NUTF2: variants seen among roughly 807,000 people sequenced by gnomAD.
NUTF2 encodes nuclear transport factor 2, also known as placental protein 15.
NUTF2 carries 3 observed loss-of-function variants against 18.5 expected under a neutral mutation model. The ratio of observed to expected loss-of-function variants is 0.16; its 90% CI spans 0.07 to 0.42. The LOEUF (loss-of-function observed/expected upper bound fraction) is 0.42. Among genes scored for constraint, NUTF2 ranks in the 10% least tolerant of loss-of-function variants. The pLI, the probability that NUTF2 is intolerant of heterozygous loss-of-function variation, is 0.99. For missense variants in NUTF2, 44 were observed against 160.7 expected (o/e 0.27, Z 3.93); for synonymous variants, 51 against 57.9 (o/e 0.88, Z 0.54).
At chr16:67,867,317 A>ATTTATATTT in intron 2 of NUTF2, among the ~76,000 whole-genome samples, 1 of 152,346 alleles carries the variant, frequency 6.6e-6, no homozygotes, top group African/African-American at 2.4e-5. Context: ...AGAGTTAGCA[A>ATTTATATTT]GGTCCTAAAA....
intron 1 of NUTF2, among the ~76,000 whole-genome samples, chr16:67,857,544 T>A (rs949989054): frequency 2.0e-5 from 3 of 152,184 alleles, no homozygotes; most frequent in African/African-American, 7.2e-5. Context: ...CCTACCTTCT[T>A]CCTAGCTGTT....
intron 1 of NUTF2, among the ~76,000 whole-genome samples, chr16:67,853,639 G>A (rs758451359): frequency 2.0e-5 from 3 of 152,102 alleles, no homozygotes; most frequent in South Asian, 4.1e-4. Context: ...CCAGGCATGA[G>A]CCATTGTGCC....
At chr16:67,851,879 G>A (rs1021419423) in intron 1 of NUTF2, among the ~76,000 whole-genome samples, 1 of 152,026 alleles carries the variant, frequency 6.6e-6, no homozygotes, top group Non-Finnish European at 1.5e-5. Flanking sequence ...AGCTGAGCGT[G>A]GTGGTGCATG....
chr16:67,854,228 C>T (rs1344165337), intron 1 of NUTF2, among the ~76,000 whole-genome samples: 6 of 152,132 alleles, frequency 3.9e-5, no homozygotes, highest in Admixed American at 2.0e-4. Context: ...GGATTACAGG[C>T]GTGAGCCACT....
chr16:67,869,624 A>G (rs576868942), intron 4 of NUTF2, among the ~76,000 whole-genome samples: 3 of 151,854 alleles, frequency 2.0e-5, no homozygotes, highest in Non-Finnish European at 2.9e-5. Context: ...TGTCTCTACT[A>G]AAAATACAAA....
At chr16:67,850,208 C>T (rs57721459) in intron 1 of NUTF2, among the ~76,000 whole-genome samples, 20,719 of 144,118 alleles carry the variant, frequency 0.14, 3,011 homozygotes, top group African/African-American at 0.38. Flanking sequence ...CCTGTAACTT[C>T]TTTTTTTTTT....
At chr16:67,867,684 ATTTC>A (rs2057982670) in intron 2 of NUTF2, among the ~76,000 whole-genome samples, 1 of 151,976 alleles carries the variant, frequency 6.6e-6, no homozygotes, top group Non-Finnish European at 1.5e-5. Context: ...TTTCCAAGTT[ATTTC>A]TGATGACTTT....
chr16:67,869,321 G>A (rs1427265291), intron 4 of NUTF2, among the ~76,000 whole-genome samples: 2 of 150,980 alleles, frequency 1.3e-5, no homozygotes, highest in Admixed American at 6.6e-5. Flanking sequence ...CTGACCTCAG[G>A]TGATCCACCT....
intron 1 of NUTF2, among the ~76,000 whole-genome samples, chr16:67,861,670 G>A (rs2057936145): frequency 6.6e-6 from 1 of 152,218 alleles, no homozygotes; most frequent in Admixed American, 6.5e-5. Flanking sequence ...AGCAGGAGAT[G>A]GTGTGGTCAG....
In NUTF2 at chr16:67,853,443, C is replaced by T. The variant is rs531799901; in HGVS notation, c.-30+6458C>T. On this transcript the variant is annotated intron_variant, in intron 1 of 4. Transcript: ENST00000219169. ...CACGATCTCGGCTCACAGCATCCTC[C>T]ACCTTCTGGGTTCAAGAGATTCTCC... is the stretch of plus-strand genomic sequence containing the variant. Among the ~76,000 whole-genome samples the T allele has an allele frequency of 7.2e-5, 11 of 152,226 alleles. No individual in the cohort carries two copies. The South Asian group carries it at 1.9e-3, about 26-fold the overall frequency.
intron 1 of NUTF2, among the ~76,000 whole-genome samples, chr16:67,860,163 T>TA (rs2057925945): frequency 6.6e-6 from 1 of 152,072 alleles, no homozygotes; most frequent in South Asian, 2.1e-4. Context: ...GTATTTTTAG[T>TA]AGAGACGGGG....
rs906836483 is a variant in NUTF2 at position 67,861,242 on chromosome 16, C to G, written c.-29-3860C>G. Among the ~76,000 whole-genome samples, 3 of 152,222 alleles carry G rather than the reference C, an allele frequency of 2.0e-5. No individual in the cohort carries two copies. The South Asian group carries it at 6.2e-4, about 31-fold the overall frequency. On this transcript the variant is annotated intron_variant, in intron 1 of 4. Coordinates refer to ENST00000219169, the MANE Select transcript of NUTF2 (RefSeq NM_005796.3). ...CATCTCTAACAAGGGGGTTGACTCACAGGGTGTGGTTACAAACAAGTGCAC... is the reference window on the plus strand; with the variant it reads ...CATCTCTAACAAGGGGGTTGACTCAGAGGGTGTGGTTACAAACAAGTGCAC...
chr16:67,863,288 G>T (rs1320363802), intron 1 of NUTF2, among the ~76,000 whole-genome samples: 1 of 152,164 alleles, frequency 6.6e-6, no homozygotes, highest in Non-Finnish European at 1.5e-5. Flanking sequence ...TTTCTCCCCT[G>T]CTTGCTTTAG....
intron 2 of NUTF2, among the ~76,000 whole-genome samples, chr16:67,865,871 C>G (rs924054992): frequency 6.6e-6 from 1 of 151,844 alleles, no homozygotes; most frequent in Non-Finnish European, 1.5e-5. Flanking sequence ...GGCGCCTGCC[C>G]CCATGGCCAG....
rs1228753406 is a variant in NUTF2 at position 67,870,957 on chromosome 16, C to G, written c.*44C>G. On this transcript the variant is annotated 3_prime_UTR_variant, in exon 5 of 5. Coordinates refer to ENST00000219169, the MANE Select transcript of NUTF2 (RefSeq NM_005796.3). ...CTCACGCTGTTTCCTCCTCCCTCCTCTTCCCAATACTATTCCCACTCCTCC... is the reference window on the plus strand; with the variant it reads ...CTCACGCTGTTTCCTCCTCCCTCCTGTTCCCAATACTATTCCCACTCCTCC... 2 of 1,339,622 alleles carry G rather than the reference C, an allele frequency of 1.5e-6. No individual in the cohort carries two copies. The highest frequency in any genetic ancestry group is 2.1e-6 in the Non-Finnish European group (2 of 930,904). The allele number at this position is 1,339,622 out of a possible 1,614,324, so 83.0% of individuals were successfully genotyped here. A position where few individuals can be genotyped will look rare whatever the true frequency, so the allele number is the denominator to read the frequency against.
chr16:67,848,125 G>A (rs533635812), intron 1 of NUTF2, among the ~76,000 whole-genome samples: 1 of 152,322 alleles, frequency 6.6e-6, no homozygotes, highest in East Asian at 1.9e-4. Flanking sequence ...TCTGGGGGAA[G>A]AGTTATCTTT....
chr16:67,864,290 C>T (rs1794325491), intron 1 of NUTF2, among the ~76,000 whole-genome samples: 1 of 152,194 alleles, frequency 6.6e-6, no homozygotes, highest in Non-Finnish European at 1.5e-5. Flanking sequence ...GCGGGTGGAT[C>T]ACTTGCAGTC....
In NUTF2 at chr16:67,872,107, G is replaced by A. The variant is rs546566307; in HGVS notation, c.*1194G>A. 3.3e-5 allele frequency: 5 copies of A among 152,414 alleles called. No homozygotes were observed. The East Asian group carries it at 5.8e-4, about 18-fold the overall frequency. The allele number at this position is 152,414 out of a possible 1,614,324, so 9.4% of individuals were successfully genotyped here. The stretch of plus-strand genomic sequence containing the variant: ...GCAGTTTCTGCTTCTCCATTTTGGG[G>A]ACAAAGGCCTTGCCCAGTACAAATC... On this transcript the variant is annotated 3_prime_UTR_variant, in exon 5 of 5. Transcript: ENST00000219169.
At chr16:67,853,267 CTG>C (rs1230303546) in intron 1 of NUTF2, among the ~76,000 whole-genome samples, 3 of 152,152 alleles carry the variant, frequency 2.0e-5, no homozygotes, top group African/African-American at 7.2e-5. Flanking sequence ...TCTCAGGTCA[CTG>C]CAGCCTTGAC....
Sources: allele counts gnomAD v4.1 joint callset (sites outside exome capture counted in the v4.1 genomes callset), GRCh38; gene constraint gnomAD v4.1.1; transcripts MANE v1.5; gene names NCBI Gene and HGNC (gene_info 2026-07-23, HGNC 2026-07-21).